The following AKAP13 variants were observed in gnomAD, a reference collection of about 807,000 sequenced individuals.
The protein encoded by AKAP13 is A-kinase anchoring protein 13, also known as A-kinase anchor protein 13.
Under a neutral mutation model 264.5 loss-of-function variants are expected in AKAP13, and 80 were observed. That is an observed-to-expected ratio of 0.30 (90% CI 0.25 to 0.36). The LOEUF (loss-of-function observed/expected upper bound fraction) is 0.36, where lower values mean the gene tolerates loss of function less well. Ranked by LOEUF, AKAP13 falls within the 10% of genes least tolerant of loss-of-function variation. The probability of loss-of-function intolerance (pLI) is 1.00; values close to 1 mark genes in which losing one functional copy is unlikely to be tolerated. For synonymous variants in AKAP13, 1,380 were observed against 1,250.2 expected (o/e 1.10, Z -2.19); for missense variants, 3,712 against 3,435.2 (o/e 1.08, Z -2.01).
intron 8 of AKAP13, among the ~76,000 whole-genome samples, chr15:85,592,754 C>T (rs914282730): frequency 2.0e-5 from 3 of 152,060 alleles, no homozygotes; most frequent in Non-Finnish European, 4.4e-5. Context: ...AAATTATCAG[C>T]GGCTCCTAAT....
At chr15:85,691,761 G>T (rs2085298507) in intron 16 of AKAP13, 2 of 457,980 alleles carry the variant, frequency 4.4e-6, no homozygotes, top group Admixed American at 2.3e-5. Context: ...AAGCACCTGG[G>T]CAGTGGCTGG....
intron 3 of AKAP13, among the ~76,000 whole-genome samples, chr15:85,522,275 T>C (rs1437443185): frequency 6.6e-6 from 1 of 152,176 alleles, no homozygotes; most frequent in Non-Finnish European, 1.5e-5. Flanking sequence ...AGGAACACTT[T>C]AGGGTTAAAG....
chr15:85,483,812 AAAAC>A (rs764482407), intron 1 of AKAP13, among the ~76,000 whole-genome samples: 4 of 152,290 alleles, frequency 2.6e-5, no homozygotes, highest in African/African-American at 4.8e-5. Flanking sequence ...CTCCATCTCA[AAAAC>A]AAACAAACAA....
At chr15:85,643,315 C>G (rs2082397559) in intron 9 of AKAP13, among the ~76,000 whole-genome samples, 1 of 152,002 alleles carries the variant, frequency 6.6e-6, no homozygotes, top group African/African-American at 2.4e-5. Flanking sequence ...TGGTTACTCC[C>G]CAGTATTTAG....
chr15:85,390,333 T>G (rs2150801651), intron 1 of AKAP13, among the ~76,000 whole-genome samples: 1 of 151,486 alleles, frequency 6.6e-6, no homozygotes, highest in East Asian at 1.9e-4. Context: ...ACTGAGGAGG[T>G]GAGATTTGAA....
At chr15:85,573,406 C>T (rs1235572897) in intron 5 of AKAP13, among the ~76,000 whole-genome samples, 2 of 151,886 alleles carry the variant, frequency 1.3e-5, no homozygotes, top group Non-Finnish European at 2.9e-5. Context: ...ATTAGCTGGG[C>T]GTGGTGGGAC....
intron 15 of AKAP13, chr15:85,683,387 A>G (rs2084709763): frequency 6.6e-6 from 1 of 152,246 alleles, no homozygotes; most frequent in South Asian, 2.1e-4. Context: ...AAAATATTTT[A>G]GAACACCTAA....
chr15:85,634,696 G>C (rs500365), intron 8 of AKAP13, among the ~76,000 whole-genome samples: 39,173 of 151,956 alleles, frequency 0.26, 7,026 homozygotes, highest in East Asian at 0.57. Flanking sequence ...ACTTCTGTCA[G>C]CTCAGAAGTT....
At position 85,436,709 on chromosome 15, in the gene AKAP13, G is replaced by T. The variant is rs1327931068; in HGVS notation, c.-11-49001G>T. ...CATGGAAACTGAACAACCTGCTCCT[G>T]AATGACTACTGGGTACATAACGAAA... On this transcript the variant is annotated intron_variant, in intron 1 of 36. Coordinates refer to ENST00000394518, the MANE Select transcript of AKAP13 (RefSeq NM_007200.5). Among the ~76,000 whole-genome samples the T allele has an allele frequency of 1.2e-4, 18 of 150,606 alleles. No individual in the cohort carries two copies. In the South Asian group the frequency reaches 3.8e-3, roughly 32 times the overall value.
chr15:85,524,428 C>A (rs2076945447), intron 3 of AKAP13, among the ~76,000 whole-genome samples: 1 of 152,030 alleles, frequency 6.6e-6, no homozygotes, highest in Non-Finnish European at 1.5e-5. Context: ...CCCACCTCGG[C>A]CTCCCAAAGT....
At chr15:85,684,606 G>A in intron 15 of AKAP13, 135 bp from the exon 16 acceptor site, 1 of 914,882 alleles carries the variant, frequency 1.1e-6, no homozygotes, top group Non-Finnish European at 1.6e-6. Flanking sequence ...GCCAAGTTTT[G>A]ATAACAGAAC....
chr15:85,525,643 A>G (rs2077012593), intron 3 of AKAP13, among the ~76,000 whole-genome samples: 2 of 152,208 alleles, frequency 1.3e-5, no homozygotes, highest in Admixed American at 1.3e-4. Flanking sequence ...TGAAAGTAAA[A>G]TATTCCATTA....
chr15:85,507,708 G>C (rs2151110706), intron 2 of AKAP13, among the ~76,000 whole-genome samples: 1 of 152,336 alleles, frequency 6.6e-6, no homozygotes. Flanking sequence ...GTGTGGCCAA[G>C]AATGGGAGCT....
intron 14 of AKAP13, among the ~76,000 whole-genome samples, chr15:85,680,699 T>TA (rs554142850): frequency 2.0e-5 from 3 of 152,060 alleles, no homozygotes; most frequent in Non-Finnish European, 4.4e-5. Context: ...TCCCTGTTTC[T>TA]AAAAAAAATT....
intron 8 of AKAP13, among the ~76,000 whole-genome samples, chr15:85,597,894 C>G (rs893885897): frequency 2.6e-5 from 4 of 152,006 alleles, no homozygotes; most frequent in African/African-American, 9.7e-5. Flanking sequence ...TTTCTGACAG[C>G]AGATGAATGA....
intron 16 of AKAP13, chr15:85,690,236 T>C (rs963843548): frequency 2.0e-5 from 3 of 152,242 alleles, no homozygotes; most frequent in Admixed American, 6.5e-5. Flanking sequence ...CTATTTCTTA[T>C]TTATTCAGGT....
chr15:85,733,578 A>G (rs966772624), intron 30 of AKAP13, among the ~76,000 whole-genome samples: 1 of 152,168 alleles, frequency 6.6e-6, no homozygotes, highest in Non-Finnish European at 1.5e-5. Context: ...GTCTTCTTCA[A>G]GGTCTCCATT....
At chr15:85,546,271 A>T (rs564012293) in intron 5 of AKAP13, among the ~76,000 whole-genome samples, 20 of 151,948 alleles carry the variant, frequency 1.3e-4, no homozygotes, top group Non-Finnish European at 2.8e-4. Context: ...TACATAGATT[A>T]AAACATCACA....
At chr15:85,413,995 C>G (rs1010871508) in intron 1 of AKAP13, among the ~76,000 whole-genome samples, 2 of 151,850 alleles carry the variant, frequency 1.3e-5, no homozygotes, top group Admixed American at 6.6e-5. Context: ...TTTCTCCAAC[C>G]TTTTTTACCA....
Sources: allele counts gnomAD v4.1 joint callset (sites outside exome capture counted in the v4.1 genomes callset), GRCh38; gene constraint gnomAD v4.1.1; transcripts MANE v1.5; gene names NCBI Gene and HGNC (gene_info 2026-07-23, HGNC 2026-07-21).